SDK1: variants seen among roughly 807,000 people sequenced by gnomAD.
SDK1 encodes the protein sidekick cell adhesion molecule 1.
A neutral mutation model predicts 245.5 loss-of-function variants in SDK1; 157 were observed. The observed-to-expected ratio is 0.64, with a 90% confidence interval of 0.56 to 0.73. The LOEUF (loss-of-function observed/expected upper bound fraction) is 0.73. Ranked by LOEUF, SDK1 falls within the 30% of genes least tolerant of loss-of-function variation. SDK1 has a pLI of 0.00. For missense variants in SDK1, 3,583 were observed against 3,002.3 expected (o/e 1.19, Z -4.52); for synonymous variants, 1,647 against 1,278.5 (o/e 1.29, Z -6.15).
intron 1 of SDK1, among the ~76,000 whole-genome samples, chr7:3,464,659 A>G (rs1041643751): frequency 2.0e-5 from 3 of 151,882 alleles, no homozygotes; most frequent in Non-Finnish European, 2.9e-5. Flanking sequence ...CATGAAGCAA[A>G]TATGTATAAT....
chr7:3,521,169 G>A (rs555311114), intron 1 of SDK1, among the ~76,000 whole-genome samples: 27 of 152,222 alleles, frequency 1.8e-4, no homozygotes, highest in African/African-American at 6.0e-4. Context: ...ACATCCCTTC[G>A]TGTTTTCCAT....
chr7:4,072,137 A>C (rs1322147388), intron 20 of SDK1, among the ~76,000 whole-genome samples: 3 of 152,208 alleles, frequency 2.0e-5, no homozygotes, highest in African/African-American at 7.2e-5. Flanking sequence ...TTAAACAAAT[A>C]CCTGTAGTTA....
In SDK1 at chr7:4,120,179, C is replaced by T. The variant is rs183395160; in HGVS notation, c.3823+5905C>T. ...GATCTACCACATAGCTAATAGGACT[C>T]GAAAGAGGAAGCAAATGAGAGTTAC... On this transcript the variant is annotated intron_variant, in intron 25 of 44. Coordinates refer to ENST00000404826, the MANE Select transcript of SDK1 (RefSeq NM_152744.4). 1.4e-3 allele frequency among the ~76,000 whole-genome samples: 203 copies of T among 148,564 alleles called. 21 individuals carry two copies. The highest frequency in any genetic ancestry group is 6.9e-4 in the Non-Finnish European group (46 of 66,594).
intron 4 of SDK1, among the ~76,000 whole-genome samples, chr7:3,689,395 A>G (rs1308982341): frequency 2.6e-5 from 4 of 152,172 alleles, no homozygotes; most frequent in Admixed American, 6.5e-5. Flanking sequence ...TCCTGCCGTT[A>G]TAAGACAGTA....
At position 4,012,324 on chromosome 7, in the gene SDK1, A is replaced by T. The variant is rs1786044592; in HGVS notation, c.2420+89A>T. ...GGTTGCAAACTCTAATGTCTGTAAG[A>T]GCCAAACAGGAACCAAAGGAGTCAG... is the stretch of plus-strand genomic sequence containing the variant. On this transcript the variant is annotated intron_variant, in intron 16 of 44. Coordinates refer to ENST00000404826, the MANE Select transcript of SDK1 (RefSeq NM_152744.4). 15 of 1,346,234 alleles carry T rather than the reference A, an allele frequency of 1.1e-5. No individual in the cohort carries two copies. The South Asian group carries it at 2.6e-4, about 23-fold the overall frequency. The allele number at this position is 1,346,234 out of a possible 1,614,324, so 83.4% of individuals were successfully genotyped here.
chr7:3,563,505 C>G (rs967935646), intron 1 of SDK1, among the ~76,000 whole-genome samples: 1 of 152,000 alleles, frequency 6.6e-6, no homozygotes, highest in Admixed American at 6.6e-5. Flanking sequence ...GGGAATATGA[C>G]AAGAAGATGT....
At chr7:3,480,572 A>G (rs1781489006) in intron 1 of SDK1, among the ~76,000 whole-genome samples, 1 of 152,234 alleles carries the variant, frequency 6.6e-6, no homozygotes, top group Admixed American at 6.5e-5. Context: ...TCCTGCAACC[A>G]GAGAGCTTTG....
intron 1 of SDK1, among the ~76,000 whole-genome samples, chr7:3,310,584 C>T (rs979539880): frequency 6.6e-6 from 1 of 152,114 alleles, no homozygotes; most frequent in Non-Finnish European, 1.5e-5. Context: ...GCTAGTATAA[C>T]CATTCACTGA....
At chr7:4,196,446 A>G (rs1279170963) in intron 35 of SDK1, among the ~76,000 whole-genome samples, 1 of 152,196 alleles carries the variant, frequency 6.6e-6, no homozygotes, top group Non-Finnish European at 1.5e-5. Flanking sequence ...CTCTAAAGCC[A>G]TTCAGTCCCC....
intron 1 of SDK1, among the ~76,000 whole-genome samples, chr7:3,361,143 G>C (rs1313264913): frequency 1.3e-5 from 2 of 152,190 alleles, no homozygotes; most frequent in South Asian, 4.1e-4. Context: ...TGATACTGTA[G>C]TTTTTTCTAT....
At chr7:4,205,501 C>T (rs1291941386) in intron 35 of SDK1, among the ~76,000 whole-genome samples, 2 of 152,206 alleles carry the variant, frequency 1.3e-5, no homozygotes, top group Non-Finnish European at 2.9e-5. Context: ...TAAGCCTGGT[C>T]AGGTATTAAC....
intron 28 of SDK1, among the ~76,000 whole-genome samples, chr7:4,143,529 A>C (rs547892992): frequency 6.6e-6 from 1 of 152,268 alleles, no homozygotes; most frequent in African/African-American, 2.4e-5. Flanking sequence ...GAGAGGCTGC[A>C]TGGCTCATCC....
chr7:3,813,062 C>T (rs1217088787), intron 4 of SDK1, among the ~76,000 whole-genome samples: 3 of 152,156 alleles, frequency 2.0e-5, no homozygotes, highest in Non-Finnish European at 2.9e-5. Context: ...CATTCAGGGA[C>T]TCATTAGTGC....
At chr7:3,570,258 C>G (rs1780065827) in intron 1 of SDK1, among the ~76,000 whole-genome samples, 1 of 152,180 alleles carries the variant, frequency 6.6e-6, no homozygotes, top group Non-Finnish European at 1.5e-5. Flanking sequence ...TGAAACTGTT[C>G]AGATCATCAG....
intron 1 of SDK1, among the ~76,000 whole-genome samples, chr7:3,509,298 A>G (rs1167668758): frequency 6.6e-6 from 1 of 152,112 alleles, no homozygotes; most frequent in East Asian, 1.9e-4. Context: ...AATATTCATG[A>G]TAGGAGCTTC....
At chr7:3,725,944 G>T (rs143264818) in intron 4 of SDK1, among the ~76,000 whole-genome samples, 2 of 152,332 alleles carry the variant, frequency 1.3e-5, no homozygotes, top group East Asian at 3.9e-4. Context: ...ACCGGTTTGA[G>T]AAAAATAAGG....
rs140478233 is a variant in SDK1 at position 4,127,413 on chromosome 7, G to A, written c.3856G>A (p.Glu1286Lys). 8.4e-5 allele frequency: 136 copies of A among 1,614,174 alleles called. No homozygotes were observed. In the African/African-American group the frequency reaches 1.5e-3, roughly 18 times the overall value. ...AGCCGCCCCTGAGAACGTGTCAGCC[G>A]AGGCTGTCAGCTCGACCCAGATTTT... is the stretch of plus-strand genomic sequence containing the variant. ...PSAAPENVSAEAVSSTQILLT... is the reference protein window; with the variant it reads ...PSAAPENVSAKAVSSTQILLT... The change falls in exon 26 of 45, where the codon GAG becomes AAG. Residue 1286 changes from glutamate (E) to lysine (K), a missense_variant. By Grantham distance (56) the Glu-to-Lys change is moderately conservative (BLOSUM62 1). Transcript: ENST00000404826.
intron 1 of SDK1, among the ~76,000 whole-genome samples, chr7:3,401,533 A>T (rs1364465874): frequency 6.6e-6 from 1 of 152,162 alleles, no homozygotes; most frequent in African/African-American, 2.4e-5. Context: ...CTGGGGGAAA[A>T]TAACAAGACC....
At chr7:3,310,678 G>A (rs927166727) in intron 1 of SDK1, among the ~76,000 whole-genome samples, 3 of 152,190 alleles carry the variant, frequency 2.0e-5, no homozygotes, top group African/African-American at 7.2e-5. Context: ...TCTAGACAGA[G>A]CTGTTAAGTT....
Sources: gnomAD v4.1 joint callset for allele counts (sites outside exome capture counted in the v4.1 genomes callset) on GRCh38, gnomAD v4.1.1 for gene constraint, MANE v1.5 for transcripts, NCBI Gene and HGNC (gene_info 2026-07-23, HGNC 2026-07-21) for gene names.